Variants in DPY19L4 observed in about 807,000 individuals in gnomAD.
DPY19L4 encodes the protein dpy-19 like 4.
A neutral mutation model predicts 102.8 loss-of-function variants in DPY19L4; 97 were observed. The ratio of observed to expected loss-of-function variants is 0.94; its 90% CI spans 0.80 to 1.12. DPY19L4 has a LOEUF of 1.12. DPY19L4 is among the 50% of genes most tolerant of loss of function. DPY19L4 has a pLI of 0.00. For synonymous variants in DPY19L4, 252 were observed against 283.1 expected (o/e 0.89, Z 1.10); for missense variants, 815 against 850.4 (o/e 0.96, Z 0.52).
At position 94,768,592 on chromosome 8, in the gene DPY19L4, A is replaced by T. The variant is rs1156698724; in HGVS notation, c.1334+39A>T. The T allele has an allele frequency of 3.5e-6, 4 of 1,157,520 alleles. No individual in the cohort carries two copies. The East Asian group carries it at 1.1e-4, about 33-fold the overall frequency. The allele number at this position is 1,157,520 out of a possible 1,614,324, so 71.7% of individuals were successfully genotyped here. On this transcript the variant is annotated intron_variant, in intron 12 of 18. Coordinates refer to ENST00000414645, the MANE Select transcript of DPY19L4 (RefSeq NM_181787.3). ...AGAATCAATCATATTACTAACATAA[A>T]TTATGGAAATATATAAAATACTTAT...
intron 7 of DPY19L4, among the ~76,000 whole-genome samples, chr8:94,758,511 T>G (rs925186590): frequency 6.6e-6 from 1 of 152,186 alleles, no homozygotes; most frequent in Non-Finnish European, 1.5e-5. Context: ...TGTACCTTAA[T>G]AATCACATCC....
chr8:94,778,615 T>C (rs775605487), intron 14 of DPY19L4, among the ~76,000 whole-genome samples: 1 of 152,124 alleles, frequency 6.6e-6, no homozygotes, highest in Non-Finnish European at 1.5e-5. Flanking sequence ...TAAATTTTCA[T>C]AGGGTGCTGT....
intron 12 of DPY19L4, among the ~76,000 whole-genome samples, chr8:94,769,883 C>T (rs886446680): frequency 5.7e-5 from 8 of 139,682 alleles, no homozygotes; most frequent in African/African-American, 2.2e-4. Context: ...CTTTATTATT[C>T]TTTTCTTTTT....
intron 6 of DPY19L4, among the ~76,000 whole-genome samples, chr8:94,752,448 T>C (rs1811974287): frequency 6.6e-6 from 1 of 150,968 alleles, no homozygotes; most frequent in Non-Finnish European, 1.5e-5. Flanking sequence ...TATCCGGACA[T>C]GGTGGCACGC....
intron 8 of DPY19L4, among the ~76,000 whole-genome samples, chr8:94,763,292 T>A (rs1039631581): frequency 2.7e-5 from 4 of 150,128 alleles, no homozygotes; most frequent in African/African-American, 9.8e-5. Flanking sequence ...GCTCTGGCTA[T>A]TGACTGATTT....
intron 1 of DPY19L4, among the ~76,000 whole-genome samples, chr8:94,724,500 A>C (rs1810602679): frequency 6.6e-6 from 1 of 152,218 alleles, no homozygotes; most frequent in Admixed American, 6.5e-5. Flanking sequence ...GAATATAGTA[A>C]TATTTACTAA....
Position 94,790,756 on chromosome 8 carries a change from C to T in DPY19L4, c.*846C>T, listed in dbSNP as rs1813857496. On this transcript the variant is annotated 3_prime_UTR_variant, in exon 19 of 19. Coordinates refer to ENST00000414645, the MANE Select transcript of DPY19L4 (RefSeq NM_181787.3). ...TATTCACATGTTTTCTACTGAAGTA[C>T]TAAGTAAAAAAATTAAATCATTATC... is the stretch of plus-strand genomic sequence containing the variant. 1 of 151,474 alleles carries T rather than the reference C, an allele frequency of 6.6e-6. No homozygotes were observed. The highest frequency in any genetic ancestry group is 2.4e-5 in the African/African-American group (1 of 41,220). The allele number at this position is 151,474 out of a possible 1,614,324, so 9.4% of individuals were successfully genotyped here. A position where few individuals can be genotyped will look rare whatever the true frequency, so the allele number is the denominator to read the frequency against.
chr8:94,759,848 C>A (rs1321966878), intron 7 of DPY19L4, among the ~76,000 whole-genome samples: 6 of 152,196 alleles, frequency 3.9e-5, no homozygotes, highest in South Asian at 2.1e-4. Flanking sequence ...GCTTCCCATT[C>A]TTGAGGCTAA....
intron 11 of DPY19L4, 69 bp downstream of exon 11, chr8:94,766,754 A>C (rs980412094): frequency 8.5e-6 from 12 of 1,404,690 alleles, no homozygotes; most frequent in African/African-American, 1.4e-5. Flanking sequence ...AAAATACTCG[A>C]TGGCCGGGCA....
In DPY19L4 at chr8:94,739,775, G is replaced by A; in HGVS notation, c.596G>A (p.Trp199Ter). ...CTAGCAGGAATGCTTACTGTTGCGTGGTTCGTTATTAACAGGTAAGAAAGC... is the reference window on the plus strand; with the variant it reads ...CTAGCAGGAATGCTTACTGTTGCGTAGTTCGTTATTAACAGGTAAGAAAGC... ...TWLAGMLTVA[W>*]FVINRVDTTR... Residue 199 changes from tryptophan (W) to a stop codon, truncating the protein, a stop_gained, in exon 6 of 19, where the codon TGG becomes TAG. Transcript: ENST00000414645. LOFTEE classifies it high-confidence loss of function. The A allele has an allele frequency of 1.9e-6, 3 of 1,612,150 alleles. No individual in the cohort carries two copies. The highest frequency in any genetic ancestry group is 1.3e-5 in the African/African-American group (1 of 74,968).
intron 1 of DPY19L4, among the ~76,000 whole-genome samples, chr8:94,724,748 C>A (rs1350630392): frequency 1.3e-5 from 2 of 152,042 alleles, no homozygotes; most frequent in Non-Finnish European, 2.9e-5. Context: ...CCACCACACC[C>A]GGCTGATTTT....
At chr8:94,757,123 C>T (rs1338378688) in intron 7 of DPY19L4, among the ~76,000 whole-genome samples, 4 of 152,138 alleles carry the variant, frequency 2.6e-5, no homozygotes, top group African/African-American at 9.7e-5. Context: ...TGATAGTCTT[C>T]TTATCTGGGG....
At chr8:94,758,677 T>C (rs1381858761) in intron 7 of DPY19L4, among the ~76,000 whole-genome samples, 1 of 152,164 alleles carries the variant, frequency 6.6e-6, no homozygotes, top group African/African-American at 2.4e-5. Flanking sequence ...TTGACATCCA[T>C]GTGAGTTACT....
rs1563605171 is a variant in DPY19L4 at position 94,768,443 on chromosome 8, A to ATTGG, written c.1225_1226insTGGT (p.Ser409LeufsTer35). On this transcript the variant is annotated frameshift_variant, in exon 12 of 19. Coordinates refer to ENST00000414645, the MANE Select transcript of DPY19L4 (RefSeq NM_181787.3). LOFTEE classifies it high-confidence loss of function. ...TCTGTCAAGAATCCCTGCAGGCACC[A>ATTGG]TCTCAAGATTTTTTTCTGCGATTGA... is the stretch of plus-strand genomic sequence containing the variant. 1.2e-6 allele frequency: 2 copies of ATTGG among 1,609,790 alleles called. No homozygotes were observed. Among genetic ancestry groups the ATTGG allele is most frequent in the East Asian group, 4.5e-5 (2 of 44,678 alleles).
At chr8:94,757,463 G>A (rs967445026) in intron 7 of DPY19L4, among the ~76,000 whole-genome samples, 7 of 151,922 alleles carry the variant, frequency 4.6e-5, no homozygotes, top group African/African-American at 1.7e-4. Context: ...AGGCTGGAGT[G>A]TGATGGCGTG....
intron 13 of DPY19L4, among the ~76,000 whole-genome samples, chr8:94,776,284 C>T (rs770266241): frequency 1.4e-4 from 21 of 151,894 alleles, no homozygotes; most frequent in African/African-American, 4.3e-4. Flanking sequence ...TCCACTGCCT[C>T]GGCCTCTTAA....
At chr8:94,726,509 T>A in intron 2 of DPY19L4, 68 bp downstream of exon 2, 1 of 1,277,980 alleles carries the variant, frequency 7.8e-7, no homozygotes, top group South Asian at 1.5e-5. Flanking sequence ...ATATTTTATG[T>A]CAATATTTTA....
chr8:94,776,026 C>CTTTTTTTTTT (rs1165180641), intron 13 of DPY19L4, among the ~76,000 whole-genome samples: 9 of 81,524 alleles, frequency 1.1e-4, no homozygotes, highest in African/African-American at 2.0e-4. Context: ...ATTTTTAAAT[C>CTTTTTTTTTT]TTTTTTTTTT....
At chr8:94,774,237 A>T (rs1813067064) in intron 13 of DPY19L4, among the ~76,000 whole-genome samples, 1 of 151,612 alleles carries the variant, frequency 6.6e-6, no homozygotes, top group African/African-American at 2.4e-5. Flanking sequence ...TGTAGAGATG[A>T]AGTCTCACCA....
Sources: gnomAD v4.1 joint callset for allele counts (sites outside exome capture counted in the v4.1 genomes callset) on GRCh38, gnomAD v4.1.1 for gene constraint, MANE v1.5 for transcripts, NCBI Gene and HGNC (gene_info 2026-07-23, HGNC 2026-07-21) for gene names.